SNX29: variants seen among roughly 807,000 people sequenced by gnomAD.
The protein encoded by SNX29 is sorting nexin 29.
A neutral mutation model predicts 102.1 loss-of-function variants in SNX29; 78 were observed. The ratio of observed to expected loss-of-function variants is 0.76; its 90% CI spans 0.64 to 0.92. The LOEUF (loss-of-function observed/expected upper bound fraction) is 0.92, where lower values mean the gene tolerates loss of function less well. SNX29 is among the 40% of genes least tolerant of loss of function. The pLI is 0.00. For missense variants in SNX29, 1,280 were observed against 1,061.7 expected, an observed-to-expected ratio of 1.21 and a Z score of -2.86; for synonymous variants, 580 against 414.5, an observed-to-expected ratio of 1.40 and a Z score of -4.85.
chr16:12,536,558 C>T (rs182910684), intron 20 of SNX29, among the ~76,000 whole-genome samples: 1 of 152,168 alleles, frequency 6.6e-6, no homozygotes, highest in Non-Finnish European at 1.5e-5. Context: ...ATAGCCCCTA[C>T]CTCAGAAAGT....
At chr16:12,156,485 A>G (rs927982311) in intron 13 of SNX29, among the ~76,000 whole-genome samples, 2 of 152,092 alleles carry the variant, frequency 1.3e-5, no homozygotes, top group African/African-American at 4.8e-5. Flanking sequence ...TTGGAGTCTT[A>G]GGAAGGGGCG....
chr16:12,117,533 A>G (rs1039496050), intron 11 of SNX29, among the ~76,000 whole-genome samples: 1 of 152,264 alleles, frequency 6.6e-6, no homozygotes, highest in Non-Finnish European at 1.5e-5. Flanking sequence ...AAGACCACAT[A>G]AGAGATGATT....
intron 15 of SNX29, among the ~76,000 whole-genome samples, chr16:12,295,888 T>TGC (rs1463078578): frequency 1.3e-5 from 2 of 152,240 alleles, no homozygotes; most frequent in African/African-American, 2.4e-5. Context: ...GACCAACTTC[T>TGC]GCGCCCAGCG....
intron 20 of SNX29, among the ~76,000 whole-genome samples, chr16:12,551,804 T>A (rs2077994178): frequency 6.6e-6 from 1 of 152,174 alleles, no homozygotes; most frequent in Non-Finnish European, 1.5e-5. Context: ...GCATCAAACT[T>A]CTGTATCCCC....
intron 8 of SNX29, 30 bp downstream of exon 8, chr16:12,052,252 C>T (rs780216389): frequency 1.5e-5 from 24 of 1,611,638 alleles, no homozygotes; most frequent in Middle Eastern, 3.3e-4. Context: ...GGAGTCTCAC[C>T]GTCCCCCAGG....
intron 20 of SNX29, among the ~76,000 whole-genome samples, chr16:12,538,389 C>G (rs562767359): frequency 1.3e-5 from 2 of 152,268 alleles, no homozygotes; most frequent in South Asian, 2.1e-4. Flanking sequence ...CGCGCCCGGC[C>G]TCCCCTTGCA....
At chr16:12,507,131 TC>T (rs1333638797) in intron 19 of SNX29, among the ~76,000 whole-genome samples, 1 of 152,200 alleles carries the variant, frequency 6.6e-6, no homozygotes, top group Non-Finnish European at 1.5e-5. Flanking sequence ...CATCCCTCTT[TC>T]AGAGGTGATG....
intron 14 of SNX29, among the ~76,000 whole-genome samples, chr16:12,222,864 C>G (rs2077514220): frequency 6.6e-6 from 1 of 152,160 alleles, no homozygotes; most frequent in Non-Finnish European, 1.5e-5. Context: ...CCACGACGCC[C>G]AGCCTGCAGA....
At chr16:12,294,306 C>A (rs962152689) in intron 15 of SNX29, among the ~76,000 whole-genome samples, 1 of 152,126 alleles carries the variant, frequency 6.6e-6, no homozygotes, top group Non-Finnish European at 1.5e-5. Context: ...TGATGGGGAA[C>A]CCTCTTGTCT....
intron 1 of SNX29, among the ~76,000 whole-genome samples, chr16:11,981,624 C>G (rs1323600563): frequency 6.6e-6 from 1 of 152,014 alleles, no homozygotes; most frequent in Non-Finnish European, 1.5e-5. Context: ...TTAGAGTCTG[C>G]TGTATTTTTG....
chr16:12,069,839 C>T (rs13338070), intron 10 of SNX29, among the ~76,000 whole-genome samples: 19,031 of 152,094 alleles, frequency 0.13, 1,275 homozygotes, highest in South Asian at 0.28. Context: ...TACAGGCGCC[C>T]GCCACTGCGC....
intron 3 of SNX29, among the ~76,000 whole-genome samples, chr16:12,013,658 A>G (rs911377471): frequency 8.0e-5 from 12 of 149,492 alleles, no homozygotes; most frequent in African/African-American, 3.0e-4. Flanking sequence ...TATGTATTTA[A>G]TTTTGTGATG....
At chr16:12,141,257 A>G (rs2054857851) in intron 13 of SNX29, among the ~76,000 whole-genome samples, 1 of 152,224 alleles carries the variant, frequency 6.6e-6, no homozygotes, top group South Asian at 2.1e-4. Flanking sequence ...CCACAGGACG[A>G]TTGAAGTGTT....
At chr16:12,501,724 C>CAAAAAAA (rs59431064) in intron 19 of SNX29, among the ~76,000 whole-genome samples, 1 of 44,924 alleles carries the variant, frequency 2.2e-5, no homozygotes, top group Non-Finnish European at 4.6e-5. Context: ...GACACTGTCT[C>CAAAAAAA]AAAAAAAAAA....
chr16:12,423,953 C>T (rs1344371717), intron 18 of SNX29, among the ~76,000 whole-genome samples: 2 of 152,118 alleles, frequency 1.3e-5, no homozygotes, highest in Non-Finnish European at 2.9e-5. Flanking sequence ...GGCCTGGTGT[C>T]GGGGATAGTC....
intron 18 of SNX29, among the ~76,000 whole-genome samples, chr16:12,411,999 A>G (rs1039006392): frequency 3.3e-5 from 5 of 152,196 alleles, no homozygotes; most frequent in African/African-American, 9.7e-5. Flanking sequence ...TCCTTCACCA[A>G]GGGCTTTACA....
intron 15 of SNX29, among the ~76,000 whole-genome samples, chr16:12,352,973 C>T (rs75468079): frequency 0.038 from 5,829 of 151,470 alleles, 236 homozygotes; most frequent in African/African-American, 0.11. Context: ...GGGATATAGG[C>T]GTGGGATATA....
chr16:12,503,863 A>G (rs1199005936), intron 19 of SNX29, among the ~76,000 whole-genome samples: 2 of 152,212 alleles, frequency 1.3e-5, no homozygotes, highest in Non-Finnish European at 2.9e-5. Context: ...TGTTTGAGCC[A>G]TGTGTCCATT....
intron 3 of SNX29, among the ~76,000 whole-genome samples, chr16:12,010,367 T>A (rs2056604983): frequency 6.6e-6 from 1 of 152,142 alleles, no homozygotes; most frequent in Non-Finnish European, 1.5e-5. Context: ...GCACTTGTAA[T>A]CTCAAGCCCT....
Sources: allele counts gnomAD v4.1 joint callset (sites outside exome capture counted in the v4.1 genomes callset), GRCh38; gene constraint gnomAD v4.1.1; transcripts MANE v1.5; gene names NCBI Gene and HGNC (gene_info 2026-07-23, HGNC 2026-07-21).